The following TMCO6 variants were observed in gnomAD, a reference collection of about 807,000 sequenced individuals.
The protein encoded by TMCO6 is transmembrane and coiled-coil domains 6.
Under a neutral mutation model 61.8 loss-of-function variants are expected in TMCO6, and 47 were observed. The ratio of observed to expected loss-of-function variants is 0.76; its 90% CI spans 0.60 to 0.97. TMCO6 has a LOEUF of 0.97. TMCO6 is among the 50% of genes least tolerant of loss of function. The pLI, the probability that TMCO6 is intolerant of heterozygous loss-of-function variation, is 0.00. For synonymous variants in TMCO6, 261 were observed against 254.2 expected, an observed-to-expected ratio of 1.03 and a Z score of -0.25; for missense variants, 557 against 601.6, an observed-to-expected ratio of 0.93 and a Z score of 0.78.
chr5:140,598,463 T>C, the TMCO6 span, among the ~76,000 whole-genome samples: 2 of 152,246 alleles, frequency 1.3e-5, no homozygotes, highest in Non-Finnish European at 2.9e-5. Context: ...GGTATGTCTG[T>C]TTGATGTGAT....
At chr5:140,641,818 C>G (rs1757054701) in intron 3 of TMCO6, 38 bp downstream of exon 3, 2 of 1,613,912 alleles carry the variant, frequency 1.2e-6, no homozygotes, top group Non-Finnish European at 1.7e-6. Flanking sequence ...GGAGTTGGGG[C>G]TCTGAGGGAT....
chr5:140,645,915 G>C (rs962959456), downstream of TMCO6, among the ~76,000 whole-genome samples: 8 of 152,104 alleles, frequency 5.3e-5, no homozygotes, highest in African/African-American at 1.9e-4. Context: ...GGTTGTTTCA[G>C]GGAAGCTTTC....
downstream of TMCO6, chr5:140,647,256 CGT>C (rs1561965434): frequency 6.5e-7 from 1 of 1,544,798 alleles, no homozygotes; most frequent in Non-Finnish European, 8.7e-7. Flanking sequence ...CCGCACTCAC[CGT>C]AGCGGGCCCA....
chr5:140,621,947 T>A, the TMCO6 span, among the ~76,000 whole-genome samples: 1 of 152,208 alleles, frequency 6.6e-6, no homozygotes, highest in East Asian at 1.9e-4. Context: ...CCTGATAAGA[T>A]GTTATCAATG....
Position 140,644,641 on chromosome 5 carries a change from C to T in TMCO6, c.1269C>T (p.Pro423=). The T allele has an allele frequency of 6.2e-7, 1 of 1,614,232 alleles. No homozygotes were observed. The highest frequency in any genetic ancestry group is 8.5e-7 in the Non-Finnish European group (1 of 1,180,050). ...ACTGCCAGCGGCTGTGGCCAGGGCCCCTGCTTCCCGCCTTGCTGCACACAC... is the reference window on the plus strand; with the variant it reads ...ACTGCCAGCGGCTGTGGCCAGGGCCTCTGCTTCCCGCCTTGCTGCACACAC... ...PAYCQRLWPG[P]LLPALLHTLA... is the part of the protein sequence containing the mutation. Residue 423 remains proline, a synonymous_variant, in exon 11 of 12, where the codon CCC becomes CCT. Transcript: ENST00000394671.
the TMCO6 span, among the ~76,000 whole-genome samples, chr5:140,623,857 A>C: frequency 6.6e-6 from 1 of 152,134 alleles, no homozygotes; most frequent in Non-Finnish European, 1.5e-5. Flanking sequence ...CTGGGATTAT[A>C]GGCATGAGCC....
the TMCO6 span, among the ~76,000 whole-genome samples, chr5:140,627,877 C>A: frequency 6.6e-6 from 1 of 151,514 alleles, no homozygotes; most frequent in East Asian, 1.9e-4. Context: ...GCCTGGGTGA[C>A]AGAGTGAGGC....
Position 140,642,321 on chromosome 5 carries a change from T to A in TMCO6, c.505T>A (p.Cys169Ser). Reference protein sequence around the residue: ...SSHSSDFIELCLYTLGNLIVE... With the variant: ...SSHSSDFIELSLYTLGNLIVE... ...TTTTGTTGCCTGTTCTCAGGAGCTG[T>A]GTCTGTATACACTGGGTAACCTGAT... The change falls in exon 5 of 12, where the codon TGT becomes AGT. Residue 169 changes from cysteine (C) to serine (S), a missense_variant. Cys to Ser is a moderately radical substitution (Grantham distance 112). Coordinates refer to ENST00000394671, the MANE Select transcript of TMCO6 (RefSeq NM_018502.5). 2.5e-6 allele frequency: 4 copies of A among 1,611,948 alleles called. No homozygotes were observed. Among genetic ancestry groups the A allele is most frequent in the Non-Finnish European group, 3.4e-6 (4 of 1,178,878 alleles).
intron 2 of TMCO6, 149 bp from the exon 3 acceptor site, chr5:140,641,516 G>T: frequency 1.5e-6 from 1 of 662,964 alleles, no homozygotes. Context: ...CCACTCCACT[G>T]CAAGGTAGAT....
chr5:140,639,294 G>C (rs942133665), upstream of TMCO6: 8 of 524,616 alleles, frequency 1.5e-5, no homozygotes, highest in African/African-American at 1.6e-4. Flanking sequence ...CAGAGGCAGA[G>C]CGACGCCTCT....
At chr5:140,604,123 G>C in the TMCO6 span, among the ~76,000 whole-genome samples, 4 of 152,062 alleles carry the variant, frequency 2.6e-5, no homozygotes, top group Admixed American at 2.0e-4. Context: ...TCATATGCTT[G>C]TTAGCCATTT....
chr5:140,618,298 G>T, the TMCO6 span, among the ~76,000 whole-genome samples: 1 of 152,036 alleles, frequency 6.6e-6, no homozygotes, highest in Non-Finnish European at 1.5e-5. Context: ...GCGTGGTGGT[G>T]CATGCCTGTA....
In TMCO6 at chr5:140,642,377, C is replaced by A; in HGVS notation, c.561C>A (p.Leu187=). The A allele has an allele frequency of 6.2e-7, 1 of 1,613,864 alleles. No individual in the cohort carries two copies. The highest frequency in any genetic ancestry group is 8.5e-7 in the Non-Finnish European group (1 of 1,179,876). ...AGAGTGAGGCTGTGAGAAGGCAGCT[C>A]CTGCCACAGGGCATTGTTCCAGCCT... ...IVESEAVRRQ[L]LPQGIVPALA... Residue 187 remains leucine (L), a synonymous_variant, in exon 5 of 12, where the codon CTC becomes CTA. Coordinates refer to ENST00000394671, the MANE Select transcript of TMCO6 (RefSeq NM_018502.5).
At chr5:140,628,446 CT>C in the TMCO6 span, among the ~76,000 whole-genome samples, 19 of 147,754 alleles carry the variant, frequency 1.3e-4, no homozygotes, top group African/African-American at 3.5e-4. Flanking sequence ...CTTTTCTTTT[CT>C]TTTTTTTTTG....
At chr5:140,634,944 G>A (rs1409430752), upstream of TMCO6, among the ~76,000 whole-genome samples, 10 of 152,008 alleles carry the variant, frequency 6.6e-5, no homozygotes, top group East Asian at 3.9e-4. Flanking sequence ...CACTACACCC[G>A]GCTAATTTTG....
At position 140,641,699 on chromosome 5, in the gene TMCO6, C is replaced by G. The variant is rs1299332945; in HGVS notation, c.233C>G (p.Thr78Arg). The change falls in exon 3 of 12, where the codon ACA becomes AGA. Residue 78 changes from threonine (T) to arginine (R), a missense_variant. Physicochemically the swap from Thr to Arg is moderately conservative, Grantham distance 71. Transcript: ENST00000394671. ...QQFLRQAQRG[T>R]EEKEREGALV... ...TTCCTGCGGCAAGCCCAGCGGGGGA[C>G]AGAGGAAAAGGAGAGAGAGGGGGCT... The G allele has an allele frequency of 6.2e-7, 1 of 1,614,128 alleles. No individual in the cohort carries two copies. The highest frequency in any genetic ancestry group is 1.7e-5 in the Admixed American group (1 of 60,014).
the TMCO6 span, among the ~76,000 whole-genome samples, chr5:140,625,606 C>A: frequency 2.6e-5 from 4 of 152,166 alleles, no homozygotes; most frequent in Non-Finnish European, 5.9e-5. Context: ...TTCCCCACAG[C>A]ACTTACCATC....
At chr5:140,633,307 A>C in the TMCO6 span, 1 of 619,998 alleles carries the variant, frequency 1.6e-6, no homozygotes, top group East Asian at 2.8e-5. Context: ...AAATATTGCA[A>C]TGAAGGATGT....
At chr5:140,646,017 T>C (rs923088941), downstream of TMCO6, among the ~76,000 whole-genome samples, 2 of 150,694 alleles carry the variant, frequency 1.3e-5, no homozygotes, top group East Asian at 1.9e-4. Flanking sequence ...CTCTTTTTTT[T>C]TTTTTTTTTT....
Sources: allele counts gnomAD v4.1 joint callset (sites outside exome capture counted in the v4.1 genomes callset), GRCh38; gene constraint gnomAD v4.1.1; transcripts MANE v1.5; gene names NCBI Gene and HGNC (gene_info 2026-07-23, HGNC 2026-07-21).